SCP2: variants seen among roughly 807,000 people sequenced by gnomAD.
SCP2 encodes SCP-2/3-oxoacyl-CoA thiolase.
SCP2 carries 48 observed loss-of-function variants against 71.4 expected under a neutral mutation model. The observed-to-expected ratio is 0.67, with a 90% CI of 0.53 to 0.86. The LOEUF (loss-of-function observed/expected upper bound fraction) is 0.86. SCP2 is among the 40% of genes least tolerant of loss of function. SCP2 has a pLI of 0.00. For missense variants in SCP2, 560 were observed against 655.6 expected, an observed-to-expected ratio of 0.85 and a Z score of 1.59; for synonymous variants, 220 against 218.1, an observed-to-expected ratio of 1.01 and a Z score of -0.08.
At chr1:52,992,876 C>A (rs1289496884) in intron 11 of SCP2, among the ~76,000 whole-genome samples, 1 of 152,146 alleles carries the variant, frequency 6.6e-6, no homozygotes, top group Non-Finnish European at 1.5e-5. Context: ...GTAGCTTCAG[C>A]TTGGCAAACA....
At chr1:52,984,092 T>C (rs2150179865) in intron 10 of SCP2, among the ~76,000 whole-genome samples, 1 of 152,312 alleles carries the variant, frequency 6.6e-6, no homozygotes, top group Admixed American at 6.5e-5. Context: ...GGGGATCCTC[T>C]TCTCTGGCTC....
chr1:52,940,577 A>C (rs1011005837), intron 1 of SCP2, among the ~76,000 whole-genome samples: 4 of 152,082 alleles, frequency 2.6e-5, no homozygotes, highest in Non-Finnish European at 5.9e-5. Context: ...TCTGTGTCCT[A>C]GTTTTCTTAT....
intron 1 of SCP2, among the ~76,000 whole-genome samples, chr1:52,939,528 A>AT (rs1433197483): frequency 7.2e-5 from 11 of 152,222 alleles, no homozygotes; most frequent in African/African-American, 2.7e-4. Context: ...CCTGGGCAAC[A>AT]GAGTGAGACT....
intron 14 of SCP2, among the ~76,000 whole-genome samples, chr1:53,046,453 C>A (rs1456526513): frequency 6.6e-6 from 1 of 151,606 alleles, no homozygotes; most frequent in Non-Finnish European, 1.5e-5. Context: ...GTTTCTTGGC[C>A]ATTTGGAGAT....
chr1:52,955,336 G>GC (rs1557557287), intron 5 of SCP2, among the ~76,000 whole-genome samples: 2 of 152,162 alleles, frequency 1.3e-5, no homozygotes, highest in South Asian at 2.1e-4. Context: ...AATTTTAACA[G>GC]CCCCCTGGAA....
At chr1:53,030,918 A>G (rs1387936330) in intron 13 of SCP2, among the ~76,000 whole-genome samples, 1 of 151,654 alleles carries the variant, frequency 6.6e-6, no homozygotes, top group Non-Finnish European at 1.5e-5. Context: ...TAAAAAAAAA[A>G]AAAAAAAAAA....
chr1:53,038,372 C>A (rs1663175858), intron 13 of SCP2, among the ~76,000 whole-genome samples: 1 of 152,016 alleles, frequency 6.6e-6, no homozygotes, highest in Non-Finnish European at 1.5e-5. Flanking sequence ...CTGCCCTGTC[C>A]CTCCTTCCCT....
At chr1:52,954,176 G>A (rs1655587112) in intron 4 of SCP2, among the ~76,000 whole-genome samples, 1 of 151,050 alleles carries the variant, frequency 6.6e-6, no homozygotes, top group Non-Finnish European at 1.5e-5. Context: ...GAATGAGGTG[G>A]CACATTCGTG....
chr1:53,014,838 G>C (rs566853169), intron 11 of SCP2, 52 bp from the exon 12 acceptor site: 8 of 1,602,938 alleles, frequency 5.0e-6, no homozygotes, highest in Non-Finnish European at 6.8e-6. Context: ...TCCCTTTTCT[G>C]GCTTGAGAAA....
At chr1:53,013,882 CTTTTTTTTTTTTT>C (rs71044449) in intron 11 of SCP2, among the ~76,000 whole-genome samples, 6,790 of 62,970 alleles carry the variant, frequency 0.11, 269 homozygotes, top group Middle Eastern at 0.21. Context: ...ATAGAACATT[CTTTTTTTTTTTTT>C]TTTTTTTTTT....
At chr1:52,965,646 TC>T (rs1044350658) in intron 6 of SCP2, among the ~76,000 whole-genome samples, 3 of 152,008 alleles carry the variant, frequency 2.0e-5, no homozygotes, top group Admixed American at 6.6e-5. Context: ...GATTTTTTTT[TC>T]CCCCCAACAT....
Position 52,927,446 on chromosome 1 carries a change from TG to T in SCP2, c.55del (p.Val19LeufsTer3). ...GCGACCCTGCGCCGGGTGTTCGTGG[TG>T]GGGGTTGGCATGACCAAGGTAAACC... ...EPATLRRVFV[V>X]GVGMTKFVKP... is the part of the protein sequence containing the mutation. On this transcript the variant is annotated frameshift_variant, in exon 1 of 16. Transcript: ENST00000371514. LOFTEE classifies it high-confidence loss of function. 1 of 1,602,016 alleles carries T rather than the reference TG, an allele frequency of 6.2e-7. No homozygotes were observed. Among genetic ancestry groups the T allele is most frequent in the South Asian group, 1.1e-5 (1 of 88,220 alleles).
chr1:52,953,367 G>A (rs372097284), intron 4 of SCP2, among the ~76,000 whole-genome samples: 1 of 151,870 alleles, frequency 6.6e-6, no homozygotes, highest in African/African-American at 2.4e-5. Flanking sequence ...TAGAAACAGG[G>A]CCTCACTCTC....
chr1:52,943,923 A>G, intron 2 of SCP2: 1 of 417,164 alleles, frequency 2.4e-6, no homozygotes, highest in Admixed American at 3.0e-5. Flanking sequence ...TCAGCTTTGT[A>G]CTAGCCATGG....
intron 7 of SCP2, among the ~76,000 whole-genome samples, chr1:52,975,952 G>C (rs893658574): frequency 7.9e-5 from 12 of 151,976 alleles, no homozygotes; most frequent in Non-Finnish European, 1.8e-4. Context: ...ACAAATCCAG[G>C]GGCTCCCATG....
chr1:53,005,515 G>T (rs527666955), intron 11 of SCP2, among the ~76,000 whole-genome samples: 1 of 152,318 alleles, frequency 6.6e-6, no homozygotes, highest in South Asian at 2.1e-4. Flanking sequence ...AACAGGGTCT[G>T]GAGTGGACCT....
At chr1:53,026,054 G>A (rs1190563048) in intron 12 of SCP2, among the ~76,000 whole-genome samples, 2 of 151,882 alleles carry the variant, frequency 1.3e-5, no homozygotes, top group East Asian at 1.9e-4. Flanking sequence ...CCTTTAATAA[G>A]GTCTTAGAGG....
At chr1:52,982,531 C>T (rs1464639343) in intron 10 of SCP2, among the ~76,000 whole-genome samples, 1 of 152,154 alleles carries the variant, frequency 6.6e-6, no homozygotes, top group Non-Finnish European at 1.5e-5. Context: ...TATCATACCA[C>T]TGCACTCCAG....
intron 15 of SCP2, chr1:53,050,134 C>A (rs1664112441): frequency 6.2e-6 from 1 of 161,736 alleles, no homozygotes; most frequent in South Asian, 1.7e-4. Context: ...ACAAGCACCT[C>A]ATTCTCAGCA....
Sources: allele counts gnomAD v4.1 joint callset (sites outside exome capture counted in the v4.1 genomes callset), GRCh38; gene constraint gnomAD v4.1.1; transcripts MANE v1.5; gene names NCBI Gene and HGNC (gene_info 2026-07-23, HGNC 2026-07-21).